SLC24A2: variants seen among roughly 807,000 people sequenced by gnomAD.
SLC24A2 encodes solute carrier family 24 member 2.
In SLC24A2, 36 loss-of-function variants were observed where a neutral mutation model predicts 62.0. That is an observed-to-expected ratio of 0.58 (90% CI 0.44 to 0.77). The LOEUF is 0.77. Ranked by LOEUF, SLC24A2 falls within the 30% of genes least tolerant of loss-of-function variation. The pLI, the probability that SLC24A2 is intolerant of heterozygous loss-of-function variation, is 0.00. For synonymous variants in SLC24A2, 358 were observed against 294.0 expected (o/e 1.22, Z -2.23); for missense variants, 846 against 817.9 (o/e 1.03, Z -0.42).
chr9:20,024,687 T>A, the SLC24A2 span, among the ~76,000 whole-genome samples: 3 of 152,210 alleles, frequency 2.0e-5, no homozygotes, highest in African/African-American at 7.2e-5. Flanking sequence ...TTCACTTGTG[T>A]GTGCGTGTCC....
At chr9:20,265,409 T>C in the SLC24A2 span, among the ~76,000 whole-genome samples, 3 of 152,202 alleles carry the variant, frequency 2.0e-5, no homozygotes, top group Non-Finnish European at 2.9e-5. Context: ...GGACATTTAT[T>C]AGATCCCCAA....
chr9:19,583,792 C>T (rs1002245577), intron 5 of SLC24A2, among the ~76,000 whole-genome samples: 2 of 152,114 alleles, frequency 1.3e-5, no homozygotes, highest in African/African-American at 4.8e-5. Flanking sequence ...CCCCTCTGCA[C>T]ATCTCCAAGG....
At position 19,508,176 on chromosome 9, in the gene SLC24A2, A is replaced by C. The variant is rs1832574266; in HGVS notation, c.*7977T>G. ...GAGTTTTTTGACTTGAGCAGAAGAA[A>C]TATCAAGGCTAGATGCAGGGTATAT... On this transcript the variant is annotated 3_prime_UTR_variant, in exon 11 of 11. Transcript: ENST00000341998. 6.6e-6 allele frequency: 1 copy of C among 152,180 alleles called. No individual in the cohort carries two copies. Among genetic ancestry groups the C allele is most frequent in the African/African-American group, 2.4e-5 (1 of 41,440 alleles). The allele number at this position is 152,180 out of a possible 1,614,324, so 9.4% of individuals were successfully genotyped here.
the SLC24A2 span, among the ~76,000 whole-genome samples, chr9:20,305,842 C>T: frequency 6.6e-6 from 1 of 152,148 alleles, no homozygotes; most frequent in African/African-American, 2.4e-5. Context: ...ATGTATTTCT[C>T]ACAGTCCCAG....
the SLC24A2 span, among the ~76,000 whole-genome samples, chr9:19,919,617 A>C: frequency 6.6e-6 from 1 of 152,218 alleles, no homozygotes; most frequent in Non-Finnish European, 1.5e-5. Flanking sequence ...CAGTGCTATG[A>C]AGAAATACCT....
the SLC24A2 span, among the ~76,000 whole-genome samples, chr9:19,996,313 G>C: frequency 6.6e-6 from 1 of 152,202 alleles, no homozygotes; most frequent in Non-Finnish European, 1.5e-5. Context: ...TCAGAAGCCA[G>C]TGACTCCTGT....
At chr9:20,295,417 T>G in the SLC24A2 span, among the ~76,000 whole-genome samples, 1 of 152,312 alleles carries the variant, frequency 6.6e-6, no homozygotes, top group East Asian at 1.9e-4. Flanking sequence ...AGGAGTGGAT[T>G]TGTGGACTTA....
chr9:19,690,024 C>T (rs956165206), intron 2 of SLC24A2, among the ~76,000 whole-genome samples: 1 of 152,048 alleles, frequency 6.6e-6, no homozygotes, highest in East Asian at 1.9e-4. Context: ...AATTCTTAGG[C>T]TTTTCGAATT....
At chr9:19,978,911 G>T in the SLC24A2 span, among the ~76,000 whole-genome samples, 1 of 152,272 alleles carries the variant, frequency 6.6e-6, no homozygotes, top group East Asian at 1.9e-4. Context: ...TAGGAAAAAT[G>T]CCTATATCCT....
the SLC24A2 span, among the ~76,000 whole-genome samples, chr9:20,010,380 A>AAT: frequency 6.6e-6 from 1 of 152,348 alleles, no homozygotes; most frequent in Middle Eastern, 3.4e-3. Context: ...AGAAACTAAT[A>AAT]AAGCTCTGCT....
At chr9:19,887,789 A>G in the SLC24A2 span, among the ~76,000 whole-genome samples, 1 of 152,232 alleles carries the variant, frequency 6.6e-6, no homozygotes, top group Non-Finnish European at 1.5e-5. Context: ...ATGAGTGGAT[A>G]AAGAAATTAC....
At chr9:19,901,483 G>T in the SLC24A2 span, among the ~76,000 whole-genome samples, 66 of 152,284 alleles carry the variant, frequency 4.3e-4, no homozygotes, top group African/African-American at 1.5e-3. Context: ...CTTCAAAGGA[G>T]GTCAAAGGAG....
chr9:20,103,340 G>A, the SLC24A2 span, among the ~76,000 whole-genome samples: 21 of 147,764 alleles, frequency 1.4e-4, no homozygotes, highest in Non-Finnish European at 2.6e-4. Context: ...GCTTTGAAGA[G>A]AGCATGGTTC....
chr9:20,129,180 G>A, the SLC24A2 span, among the ~76,000 whole-genome samples: 1 of 152,110 alleles, frequency 6.6e-6, no homozygotes, highest in East Asian at 1.9e-4. Flanking sequence ...TGGTCAGCAA[G>A]CTCATGAAAA....
upstream of SLC24A2, chr9:19,789,058 C>T (rs1441786069): frequency 1.5e-6 from 1 of 649,816 alleles, no homozygotes; most frequent in East Asian, 1.4e-4. Context: ...GAGCCCGGCG[C>T]TCCGAGTCTG....
chr9:20,048,233 T>G, the SLC24A2 span, among the ~76,000 whole-genome samples: 2 of 152,182 alleles, frequency 1.3e-5, no homozygotes, highest in Admixed American at 1.3e-4. Flanking sequence ...GCCTAGCACA[T>G]AGTAGGTATT....
chr9:20,287,432 A>G, the SLC24A2 span, among the ~76,000 whole-genome samples: 11 of 152,164 alleles, frequency 7.2e-5, no homozygotes, highest in African/African-American at 2.4e-4. Context: ...TGCTGAGCCT[A>G]TCAACTCCCC....
rs549241066 is a variant in SLC24A2, at chr9:19,632,716, C to A, written c.931-10417G>T. On this transcript the variant is annotated intron_variant, in intron 2 of 10. Coordinates refer to ENST00000341998, the MANE Select transcript of SLC24A2 (RefSeq NM_020344.4). This position sits in a 1 kb window ranked among gnomAD's most constrained non-coding sequence, Gnocchi z 4.5. ...GTGGTCCCATGCGCCCTTTACCCAA[C>A]CTCCTCCAATGATAACATCTTGCAC... 2.0e-5 allele frequency among the ~76,000 whole-genome samples: 3 copies of A among 152,264 alleles called. No homozygotes were observed. Among genetic ancestry groups the A allele is most frequent in the Admixed American group, 6.5e-5 (1 of 15,290 alleles).
At chr9:19,594,134 G>A (rs1420359764) in intron 5 of SLC24A2, among the ~76,000 whole-genome samples, 3 of 151,528 alleles carry the variant, frequency 2.0e-5, no homozygotes, top group South Asian at 4.2e-4. Context: ...CACCTCACCC[G>A]CCCAACTTCC....
Sources: gnomAD v4.1 joint callset for allele counts (sites outside exome capture counted in the v4.1 genomes callset) on GRCh38, gnomAD v4.1.1 for gene constraint, Gnocchi (gnomAD v3.1) non-coding constraint, MANE v1.5 for transcripts, NCBI Gene and HGNC (gene_info 2026-07-23, HGNC 2026-07-21) for gene names.